Variants in MYLK observed in about 807,000 individuals in gnomAD.
MYLK encodes myosin light chain kinase, also known as myosin light chain kinase, smooth muscle.
In MYLK, 106 loss-of-function variants were observed where a neutral mutation model predicts 203.4. The ratio of observed to expected loss-of-function variants is 0.52; its 90% CI spans 0.45 to 0.61. The LOEUF (loss-of-function observed/expected upper bound fraction) is 0.61. Ranked by LOEUF, MYLK falls within the 20% of genes least tolerant of loss-of-function variation. The pLI is 0.00. For synonymous variants in MYLK, 867 were observed against 959.5 expected (o/e 0.90, Z 1.78); for missense variants, 2,072 against 2,442.3 (o/e 0.85, Z 3.20).
At chr3:123,683,924 C>A (rs527822902) in intron 19 of MYLK, among the ~76,000 whole-genome samples, 1 of 152,266 alleles carries the variant, frequency 6.6e-6, no homozygotes, top group Non-Finnish European at 1.5e-5. Flanking sequence ...CCCATACGGG[C>A]AAAGGAGCCC....
intron 3 of MYLK, among the ~76,000 whole-genome samples, chr3:123,809,285 G>A (rs1007100672): frequency 1.3e-5 from 2 of 152,192 alleles, no homozygotes; most frequent in African/African-American, 4.8e-5. Context: ...AGCACTTTGG[G>A]AGGCCAAGGT....
Position 123,726,097 on chromosome 3 carries a change from G to C in MYLK, c.1517-19C>G. On this transcript the variant is annotated intron_variant, in intron 11 of 33. Transcript: ENST00000360304. ...GCAAGCCCTGTGAGGGAAAAGGACA[G>C]GTCAGCTCAGATCACAGCTTGCCCA... is the stretch of plus-strand genomic sequence containing the variant. 6.2e-7 allele frequency: 1 copy of C among 1,613,916 alleles called. No individual in the cohort carries two copies. The highest frequency in any genetic ancestry group is 8.5e-7 in the Non-Finnish European group (1 of 1,179,970).
At chr3:123,749,271 C>T (rs971092192) in intron 5 of MYLK, among the ~76,000 whole-genome samples, 35 of 149,762 alleles carry the variant, frequency 2.3e-4, no homozygotes, top group African/African-American at 8.4e-4. Context: ...AGAGCAAGAC[C>T]TAGCCTCAAA....
intron 27 of MYLK, chr3:123,646,810 G>A (rs1374267358): frequency 9.2e-6 from 2 of 216,812 alleles, no homozygotes; most frequent in Non-Finnish European, 1.9e-5. Flanking sequence ...CCCCAGCCAG[G>A]GGCCCCCTTA....
At chr3:123,859,251 C>G (rs895652276) in intron 2 of MYLK, among the ~76,000 whole-genome samples, 1 of 152,228 alleles carries the variant, frequency 6.6e-6, no homozygotes, top group Non-Finnish European at 1.5e-5. Context: ...AGGCATAGAG[C>G]AAACAAGTAA....
At chr3:123,721,302 C>G (rs963406763) in intron 13 of MYLK, among the ~76,000 whole-genome samples, 2 of 152,142 alleles carry the variant, frequency 1.3e-5, no homozygotes, top group African/African-American at 4.8e-5. Context: ...GCACTCAGTG[C>G]TAGCACCAGA....
Position 123,666,900 on chromosome 3 carries a change from A to G in MYLK, c.3703+237T>C, listed in dbSNP as rs917148506. The G allele has an allele frequency of 4.9e-6, 3 of 610,678 alleles. No homozygotes were observed. The African/African-American group carries it at 5.6e-5, about 11-fold the overall frequency. 37.8% of individuals were successfully genotyped at this position (610,678 alleles called of 1,614,324 possible). A position where few individuals can be genotyped will look rare whatever the true frequency, so the allele number is the denominator to read the frequency against. On this transcript the variant is annotated intron_variant, in intron 21 of 33. Coordinates refer to ENST00000360304, the MANE Select transcript of MYLK (RefSeq NM_053025.4). ...CTGCTAGTCCTGTATGATGCTGTCA[A>G]CATGGGAGGCAGATGGAAAGACAAA...
chr3:123,724,785 C>G (rs2062220996), intron 12 of MYLK, among the ~76,000 whole-genome samples: 1 of 152,058 alleles, frequency 6.6e-6, no homozygotes, highest in African/African-American at 2.4e-5. Flanking sequence ...GCTCTTGTCA[C>G]CCAGGCTGGA....
chr3:123,882,146 G>A (rs1230124643), intron 1 of MYLK, among the ~76,000 whole-genome samples: 3 of 152,236 alleles, frequency 2.0e-5, no homozygotes, highest in Admixed American at 6.5e-5. Context: ...CTCTGGCTGG[G>A]TGCAGTGGCT....
rs758518392 is a variant in MYLK at position 123,708,738 on chromosome 3, G to A, written c.2100C>T (p.Ser700=). 2.7e-5 allele frequency: 43 copies of A among 1,614,030 alleles called. No individual in the cohort carries two copies. The highest frequency in any genetic ancestry group is 3.3e-5 in the South Asian group (3 of 91,090). The change falls in exon 15 of 34, where the codon AGC becomes AGT. Residue 700 remains serine, a synonymous_variant. Transcript: ENST00000360304. ...TGTYTCEAWN[S]AGEVRTQAVL... ...CGGCCTGGGTGCGGACCTCTCCAGC[G>A]CTGTTCCAGGCCTCGCAGGTGTACG... is the stretch of plus-strand genomic sequence containing the variant.
At position 123,726,224 on chromosome 3, in the gene MYLK, G is replaced by A. The variant is rs927948027; in HGVS notation, c.1517-146C>T. 3.0e-5 allele frequency: 29 copies of A among 956,092 alleles called. No homozygotes were observed. The African/African-American group carries it at 3.9e-4, about 13-fold the overall frequency. The allele number at this position is 956,092 out of a possible 1,614,324, so 59.2% of individuals were successfully genotyped here. Reference sequence around the variant, plus strand: ...CTGCCTTTGGCTTCTCTCTCTTCATGCTTAAGAAACAGGCAGCACCAGTGA... The same window carrying A: ...CTGCCTTTGGCTTCTCTCTCTTCATACTTAAGAAACAGGCAGCACCAGTGA... On this transcript the variant is annotated intron_variant, in intron 11 of 33. Transcript: ENST00000360304.
intron 3 of MYLK, among the ~76,000 whole-genome samples, chr3:123,818,003 G>A (rs1390722268): frequency 6.6e-6 from 1 of 152,188 alleles, no homozygotes; most frequent in Non-Finnish European, 1.5e-5. Context: ...CCATTGCCCA[G>A]CTCCTATAGC....
chr3:123,723,429 A>G (rs553029542), intron 12 of MYLK, among the ~76,000 whole-genome samples: 2 of 152,320 alleles, frequency 1.3e-5, no homozygotes, highest in African/African-American at 4.8e-5. Context: ...GAGAGAAGTG[A>G]GCACTGCTCT....
intron 27 of MYLK, among the ~76,000 whole-genome samples, chr3:123,644,775 T>C (rs2058956235): frequency 6.6e-6 from 1 of 152,228 alleles, no homozygotes; most frequent in South Asian, 2.1e-4. Context: ...GCTACGTATT[T>C]CCTGAAAATG....
At chr3:123,842,620 T>G (rs1271665645) in intron 2 of MYLK, among the ~76,000 whole-genome samples, 1 of 152,216 alleles carries the variant, frequency 6.6e-6, no homozygotes, top group Non-Finnish European at 1.5e-5. Context: ...AAGAATCATA[T>G]AGTCAATAAC....
chr3:123,696,912 C>A (rs1004434449), intron 18 of MYLK, among the ~76,000 whole-genome samples: 2 of 152,208 alleles, frequency 1.3e-5, no homozygotes, highest in Non-Finnish European at 2.9e-5. Context: ...CCTCTCCAGC[C>A]CAGAACAAGC....
At chr3:123,728,645 G>T (rs965473327) in intron 11 of MYLK, among the ~76,000 whole-genome samples, 6 of 152,146 alleles carry the variant, frequency 3.9e-5, no homozygotes, top group African/African-American at 7.2e-5. Context: ...AGAACAGCAA[G>T]CTATGTGCTT....
At chr3:123,809,441 G>A (rs544744482) in intron 3 of MYLK, among the ~76,000 whole-genome samples, 4 of 152,270 alleles carry the variant, frequency 2.6e-5, no homozygotes, top group South Asian at 2.1e-4. Flanking sequence ...CAGGAGAATC[G>A]CTTGAACCCA....
chr3:123,732,852 T>A (rs1363085722), intron 11 of MYLK, 44 bp downstream of exon 11: 1 of 1,588,090 alleles, frequency 6.3e-7, no homozygotes, highest in African/African-American at 1.3e-5. Context: ...CCATGAATGG[T>A]TGTCCCACAG....
Sources: allele counts gnomAD v4.1 joint callset (sites outside exome capture counted in the v4.1 genomes callset), GRCh38; gene constraint gnomAD v4.1.1; transcripts MANE v1.5; gene names NCBI Gene and HGNC (gene_info 2026-07-23, HGNC 2026-07-21).